Variants in TNRC6A observed in about 807,000 individuals in gnomAD.
TNRC6A encodes trinucleotide repeat-containing gene 6A protein.
Under a neutral mutation model 221.2 loss-of-function variants are expected in TNRC6A, and 44 were observed. The ratio of observed to expected loss-of-function variants is 0.20; its 90% CI spans 0.16 to 0.26. TNRC6A has a LOEUF of 0.26. TNRC6A is among the 10% of genes least tolerant of loss of function. The probability of loss-of-function intolerance (pLI) is 1.00; values close to 1 mark genes in which losing one functional copy is unlikely to be tolerated. For synonymous variants in TNRC6A, 847 were observed against 838.5 expected, an observed-to-expected ratio of 1.01 and a Z score of -0.18; for missense variants, 2,199 against 2,404.4, an observed-to-expected ratio of 0.91 and a Z score of 1.79.
At chr16:24,638,209 G>A (rs918003708) in intron 1 of TNRC6A, among the ~76,000 whole-genome samples, 2 of 152,120 alleles carry the variant, frequency 1.3e-5, no homozygotes, top group African/African-American at 4.8e-5. Flanking sequence ...CTTAAGCCTA[G>A]GAGTCCAAGA....
At chr16:24,740,753 A>G (rs1348056533) in intron 2 of TNRC6A, among the ~76,000 whole-genome samples, 4 of 151,928 alleles carry the variant, frequency 2.6e-5, no homozygotes, top group Admixed American at 6.6e-5. Flanking sequence ...CACCTCTGCA[A>G]CTCTTCATCT....
chr16:24,692,240 C>T (rs1034975674), intron 2 of TNRC6A, among the ~76,000 whole-genome samples: 13 of 152,154 alleles, frequency 8.5e-5, no homozygotes, highest in African/African-American at 3.1e-4. Context: ...TGGCCTCCAA[C>T]AAACCTTAGG....
chr16:24,791,556 G>T lies in TNRC6A; in HGVS notation c.2914G>T (p.Gly972Trp), dbSNP rs994325492. The T allele has an allele frequency of 6.4e-7, 1 of 1,550,932 alleles. No individual in the cohort carries two copies. Reference sequence around the variant, plus strand: ...CAAACCTCCTGGTACAGGCTGGCTGGGGGGACCTATACCAGCCCCAGCAAA... The same window carrying T: ...CAAACCTCCTGGTACAGGCTGGCTGTGGGGACCTATACCAGCCCCAGCAAA... ...TGKPPGTGWL[G>W]GPIPAPAKEE... Residue 972 changes from glycine (G) to tryptophan (W), a missense_variant, in exon 6 of 25, where the codon GGG (glycine) becomes TGG (tryptophan). Physicochemically the swap from Gly to Trp is radical, Grantham distance 184. Transcript: ENST00000395799.
rs193022046 is a variant in TNRC6A, at chr16:24,681,353, G to A, written n.402+40344G>A. ...AGTGATTCTCCTGCCTCAGCCTCCC[G>A]GGTAGCTGGGATTACAGGCATGCGC... On this transcript the variant is annotated intron_variant and non_coding_transcript_variant, in intron 2 of 2. Transcript: ENST00000566108. Among the ~76,000 whole-genome samples, 37 of 151,938 alleles carry A rather than the reference G, an allele frequency of 2.4e-4. No homozygotes were observed. In the East Asian group the frequency reaches 4.1e-3, roughly 17 times the overall value.
intron 2 of TNRC6A, among the ~76,000 whole-genome samples, chr16:24,682,407 C>G (rs1395428567): frequency 1.3e-5 from 1 of 74,754 alleles, no homozygotes. Context: ...TTTTTTTTTT[C>G]AGTAGAGATG....
At chr16:24,690,425 A>G (rs1291776707) in intron 2 of TNRC6A, among the ~76,000 whole-genome samples, 1 of 152,208 alleles carries the variant, frequency 6.6e-6, no homozygotes, top group Non-Finnish European at 1.5e-5. Context: ...CTCAACAAAA[A>G]GCTTCAAGGG....
intron 6 of TNRC6A, 70 bp downstream of exon 6, chr16:24,791,887 T>C (rs2058109932): frequency 1.3e-5 from 18 of 1,405,436 alleles, no homozygotes; most frequent in Non-Finnish European, 1.7e-5. Context: ...TATAACAAAG[T>C]ACTTGGATAT....
At chr16:24,691,863 A>T (rs1489236593) in intron 2 of TNRC6A, among the ~76,000 whole-genome samples, 1 of 152,206 alleles carries the variant, frequency 6.6e-6, no homozygotes, top group Non-Finnish European at 1.5e-5. Flanking sequence ...CAGTGAACTG[A>T]GCAGAAAAGA....
intron 2 of TNRC6A, among the ~76,000 whole-genome samples, chr16:24,650,087 G>A (rs1902555061): frequency 6.6e-6 from 1 of 151,596 alleles, no homozygotes; most frequent in Non-Finnish European, 1.5e-5. Flanking sequence ...GCCTTCCAAA[G>A]TGCTGGGATT....
intron 2 of TNRC6A, among the ~76,000 whole-genome samples, chr16:24,747,827 A>C (rs963142509): frequency 6.6e-6 from 1 of 152,202 alleles, no homozygotes; most frequent in Non-Finnish European, 1.5e-5. Flanking sequence ...ATTTTTGGCC[A>C]GGAAAACACT....
chr16:24,677,786 A>T (rs148581063), intron 2 of TNRC6A, among the ~76,000 whole-genome samples: 1 of 152,144 alleles, frequency 6.6e-6, no homozygotes, highest in African/African-American at 2.4e-5. Context: ...TAGTCAGTAC[A>T]TATCTGTTGG....
chr16:24,611,683 G>A (rs1478321973), intron 1 of TNRC6A, among the ~76,000 whole-genome samples: 1 of 152,204 alleles, frequency 6.6e-6, no homozygotes, highest in Non-Finnish European at 1.5e-5. Flanking sequence ...TAATTGCAGT[G>A]GAGATGGACA....
At chr16:24,616,659 G>A (rs1050653513) in intron 1 of TNRC6A, among the ~76,000 whole-genome samples, 1 of 152,104 alleles carries the variant, frequency 6.6e-6, no homozygotes, top group South Asian at 2.1e-4. Flanking sequence ...GGCCAGATGC[G>A]GTGGTTCATG....
chr16:24,820,056 T>G, intron 21 of TNRC6A, 83 bp from the exon 22 acceptor site: 6 of 1,298,248 alleles, frequency 4.6e-6, no homozygotes, highest in Non-Finnish European at 6.5e-6. Context: ...TTGCTTTTTG[T>G]GGGAGAATGG....
At chr16:24,732,887 G>A (rs879413539) in intron 2 of TNRC6A, among the ~76,000 whole-genome samples, 2 of 152,132 alleles carry the variant, frequency 1.3e-5, no homozygotes, top group Admixed American at 1.3e-4. Flanking sequence ...GAATTGTAAC[G>A]TGAAAGCCTC....
chr16:24,716,011 A>G (rs1006533686), intron 2 of TNRC6A, among the ~76,000 whole-genome samples: 1 of 151,758 alleles, frequency 6.6e-6, no homozygotes, highest in African/African-American at 2.4e-5. Flanking sequence ...GGAATTCTCT[A>G]TCTGTGTGGT....
chr16:24,627,944 G>A (rs1373128229), intron 1 of TNRC6A, among the ~76,000 whole-genome samples: 5 of 150,852 alleles, frequency 3.3e-5, no homozygotes, highest in African/African-American at 7.3e-5. Flanking sequence ...TGATCTGCCC[G>A]CCTCGGCCTC....
At chr16:24,675,694 C>A (rs1596652395) in intron 2 of TNRC6A, among the ~76,000 whole-genome samples, 2 of 81,132 alleles carry the variant, frequency 2.5e-5, no homozygotes, top group Non-Finnish European at 4.9e-5. Flanking sequence ...CTCTCTCTCT[C>A]TCTCTCTCTA....
chr16:24,815,488 G>T (rs2058637596), intron 19 of TNRC6A, 183 bp downstream of exon 19: 2 of 669,714 alleles, frequency 3.0e-6, no homozygotes, highest in South Asian at 1.7e-5. Flanking sequence ...GAGTGTGTCA[G>T]CCTGTTACCT....
Sources: allele counts gnomAD v4.1 joint callset (sites outside exome capture counted in the v4.1 genomes callset), GRCh38; gene constraint gnomAD v4.1.1; transcripts MANE v1.5; gene names NCBI Gene and HGNC (gene_info 2026-07-23, HGNC 2026-07-21).